Variants in MCF2 observed in about 807,000 individuals in gnomAD.
MCF2 encodes MCF.2 cell line derived transforming sequence, also known as proto-oncogene DBL.
Under a neutral mutation model 82.5 loss-of-function variants are expected in MCF2, and 44 were observed. The ratio of observed to expected loss-of-function variants is 0.53; its 90% CI spans 0.42 to 0.69. MCF2 has a LOEUF of 0.69. Ranked by LOEUF, MCF2 falls within the 30% of genes least tolerant of loss-of-function variation. MCF2 has a pLI of 0.00. For synonymous variants in MCF2, 217 were observed against 224.9 expected, an observed-to-expected ratio of 0.96 and a Z score of 0.32; for missense variants, 623 against 663.1, an observed-to-expected ratio of 0.94 and a Z score of 0.66.
At chrX:139,706,562 G>A (rs1471659949) in intron 1 of MCF2, among the ~76,000 whole-genome samples, 1 of 110,037 alleles carries the variant, frequency 9.1e-6, no homozygotes, top group Non-Finnish European at 1.9e-5. Flanking sequence ...GACTACTAGA[G>A]GGTGCAGGGA....
intron 1 of MCF2, among the ~76,000 whole-genome samples, chrX:139,695,798 T>G (rs1466337987): frequency 8.9e-6 from 1 of 112,139 alleles, no homozygotes; most frequent in Non-Finnish European, 1.9e-5. Context: ...AGGCCCTTGA[T>G]GCCAGAAGAA....
Position 139,586,497 on chromosome X carries a change from T to C in MCF2, c.2523-10A>G. ...AGCTCCCTGTTGCTTTCTGAAATAG[T>C]GATGTATAAAACTAAGTGAGCTTTT... is the stretch of plus-strand genomic sequence containing the variant. On this transcript the variant is annotated splice_polypyrimidine_tract_variant and intron_variant, in intron 22 of 24. Transcript: ENST00000370576. 8.9e-7 allele frequency: 1 copy of C among 1,125,641 alleles called. No homozygotes were observed. The highest frequency in any genetic ancestry group is 1.2e-6 in the Non-Finnish European group (1 of 818,315). The allele number at this position is 1,125,641 out of a possible 1,213,427, so 92.8% of individuals were successfully genotyped here.
chrX:139,597,436 C>A, intron 18 of MCF2, 24 bp downstream of exon 22: 1 of 1,163,959 alleles, frequency 8.6e-7, no homozygotes, highest in East Asian at 3.1e-5. Context: ...TCTAAAATTC[C>A]AACAATTATT....
intron 17 of MCF2, 100 bp downstream of exon 21, chrX:139,598,302 GCCTA>G: frequency 1.9e-6 from 1 of 514,342 alleles, no homozygotes; most frequent in Non-Finnish European, 3.2e-6. Flanking sequence ...CAGTCATTGA[GCCTA>G]CCTATTTCTA....
chrX:139,585,416 T>C (rs1031628400), intron 23 of MCF2, among the ~76,000 whole-genome samples: 10 of 112,013 alleles, frequency 8.9e-5, no homozygotes, highest in Non-Finnish European at 1.9e-4. Flanking sequence ...AATGAAGGCA[T>C]TAGTACTATG....
chrX:139,707,227 G>GAAAAAA (rs1484080669), intron 1 of MCF2, among the ~76,000 whole-genome samples: 1 of 109,704 alleles, frequency 9.1e-6, no homozygotes, highest in Non-Finnish European at 1.9e-5. Flanking sequence ...GCATATCAGA[G>GAAAAAA]AAAAAAAGGG....
chrX:139,699,998 C>T (rs757342022), intron 1 of MCF2, among the ~76,000 whole-genome samples: 49 of 111,387 alleles, frequency 4.4e-4, no homozygotes, highest in Non-Finnish European at 5.8e-4. Context: ...CTTGTGTGGT[C>T]GAGCATCTTT....
intron 1 of MCF2, among the ~76,000 whole-genome samples, chrX:139,707,565 T>C (rs749987199): frequency 1.9e-4 from 21 of 111,564 alleles, no homozygotes; most frequent in Non-Finnish European, 3.8e-4. Flanking sequence ...GGAATGGTCT[T>C]TTACCCACTG....
chrX:139,629,659 T>C (rs1330171061), intron 4 of MCF2, 36 bp downstream of exon 7: 1 of 1,183,429 alleles, frequency 8.5e-7, no homozygotes, highest in South Asian at 1.8e-5. Flanking sequence ...ATAAAGACCA[T>C]GGAAATCTTT....
chrX:139,691,954 T>C (rs1318800602), intron 1 of MCF2: 2 of 1,166,076 alleles, frequency 1.7e-6, no homozygotes, highest in Non-Finnish European at 1.1e-6. Flanking sequence ...AGGTAGTTCT[T>C]CCCGTACTTC....
intron 6 of MCF2, among the ~76,000 whole-genome samples, chrX:139,620,716 G>C (rs1340360808): frequency 9.0e-6 from 1 of 111,341 alleles, no homozygotes; most frequent in African/African-American, 3.3e-5. Flanking sequence ...GATCATACAT[G>C]ACACAAACAA....
intron 1 of MCF2, among the ~76,000 whole-genome samples, chrX:139,652,100 G>C (rs1460351261): frequency 1.8e-5 from 2 of 112,148 alleles, no homozygotes; most frequent in African/African-American, 6.5e-5. Flanking sequence ...TTGAAGGGTA[G>C]ATGGTCATGG....
intron 3 of MCF2, 93 bp downstream of exon 6, chrX:139,631,302 T>G: frequency 2.2e-6 from 1 of 464,617 alleles, no homozygotes; most frequent in Non-Finnish European, 3.4e-6. Context: ...TTGTTTTGTT[T>G]TGTTTTTTTC....
intron 1 of MCF2, among the ~76,000 whole-genome samples, chrX:139,683,084 C>T (rs772737077): frequency 5.4e-5 from 6 of 111,361 alleles, no homozygotes; most frequent in Non-Finnish European, 9.4e-5. Flanking sequence ...AGTGTGCCAC[C>T]ATGCTCAGCT....
chrX:139,589,558 G>A (rs1929309750), intron 20 of MCF2, among the ~76,000 whole-genome samples: 1 of 111,304 alleles, frequency 9.0e-6, no homozygotes, highest in South Asian at 3.8e-4. Context: ...AATTTGATGG[G>A]GACAGAGAAG....
At chrX:139,659,844 G>A (rs773112071) in intron 1 of MCF2, among the ~76,000 whole-genome samples, 6 of 112,139 alleles carry the variant, frequency 5.4e-5, no homozygotes, top group Admixed American at 2.8e-4. Context: ...AACAGACTGA[G>A]AAAGTGTAGT....
chrX:139,609,991 A>T (rs1013267870), intron 11 of MCF2, among the ~76,000 whole-genome samples: 5 of 112,691 alleles, frequency 4.4e-5, no homozygotes, highest in Non-Finnish European at 9.4e-5. Context: ...CAAAGGTGCA[A>T]CGCTTACTTA....
At chrX:139,583,255 T>C (rs1005325806) in intron 24 of MCF2, among the ~76,000 whole-genome samples, 1 of 112,419 alleles carries the variant, frequency 8.9e-6, no homozygotes, top group Middle Eastern at 4.2e-3. Context: ...ATTTTTATTT[T>C]GAAAAATGTA....
At chrX:139,690,123 C>A (rs1178106335) in intron 1 of MCF2, among the ~76,000 whole-genome samples, 1 of 111,365 alleles carries the variant, frequency 9.0e-6, no homozygotes, top group Non-Finnish European at 1.9e-5. Context: ...GGTAAAAACA[C>A]AGCACAGCAA....
Sources: allele counts gnomAD v4.1 joint callset (sites outside exome capture counted in the v4.1 genomes callset), GRCh38; gene constraint gnomAD v4.1.1; transcripts MANE v1.5; gene names NCBI Gene and HGNC (gene_info 2026-07-23, HGNC 2026-07-21).